The following ATP9B variants were observed in gnomAD, a reference collection of about 807,000 sequenced individuals.
ATP9B encodes the protein probable phospholipid-transporting ATPase IIB.
A neutral mutation model predicts 146.1 loss-of-function variants in ATP9B; 110 were observed. That is an observed-to-expected ratio of 0.75 (90% CI 0.65 to 0.88). The LOEUF (loss-of-function observed/expected upper bound fraction) is 0.88. Among genes scored for constraint, ATP9B ranks in the 40% least tolerant of loss-of-function variants. ATP9B has a pLI of 0.00. For synonymous variants in ATP9B, 604 were observed against 569.7 expected, an observed-to-expected ratio of 1.06 and a Z score of -0.86; for missense variants, 1,499 against 1,496.4, an observed-to-expected ratio of 1.00 and a Z score of -0.03.
rs549431006 is a variant in ATP9B, at chr18:79,122,003, A to G, written c.559-4264A>G. ...TTAACTTTTGCTGTCTTTAAGCCAT[A>G]AGTTTAAAGGGGTGAAAATTAGAGT... On this transcript the variant is annotated intron_variant, in intron 4 of 29. Transcript: ENST00000426216. Among the ~76,000 whole-genome samples the G allele has an allele frequency of 3.3e-5, 5 of 152,258 alleles. No individual in the cohort carries two copies. In the South Asian group the frequency reaches 1.0e-3, roughly 32 times the overall value.
intron 20 of ATP9B, 74 bp downstream of exon 20, chr18:79,342,440 G>A (rs1247505843): frequency 9.9e-6 from 10 of 1,005,950 alleles, no homozygotes; most frequent in Non-Finnish European, 1.5e-5. Flanking sequence ...GTTTTTGTCA[G>A]AATATATATT....
At chr18:79,219,899 A>T (rs913411442) in intron 11 of ATP9B, among the ~76,000 whole-genome samples, 5 of 152,214 alleles carry the variant, frequency 3.3e-5, no homozygotes, top group Admixed American at 3.3e-4. Flanking sequence ...AGGGCTCAAG[A>T]AGACGAGAGC....
At chr18:79,157,396 CAAAAAAAAAAAAAAAA>C (rs147316668) in intron 7 of ATP9B, among the ~76,000 whole-genome samples, 6 of 48,588 alleles carry the variant, frequency 1.2e-4, no homozygotes, top group Middle Eastern at 0.02. Flanking sequence ...AACTCCATCT[CAAAAAAAAAAAAAAAA>C]AAAAAAAAAA....
chr18:79,214,828 T>C (rs1232186420), intron 11 of ATP9B, among the ~76,000 whole-genome samples: 5 of 152,226 alleles, frequency 3.3e-5, no homozygotes, highest in Non-Finnish European at 5.9e-5. Flanking sequence ...GGAAGTCTTA[T>C]TAACGCAGTG....
chr18:79,191,249 A>G (rs1244311689), intron 8 of ATP9B, among the ~76,000 whole-genome samples: 1 of 151,674 alleles, frequency 6.6e-6, no homozygotes, highest in Non-Finnish European at 1.5e-5. Context: ...TTCTTTAGGT[A>G]TTTTTGAGAT....
chr18:79,375,835 G>T, intron 29 of ATP9B: 1 of 985,408 alleles, frequency 1.0e-6, no homozygotes, highest in Non-Finnish European at 1.2e-6. Context: ...TTTTACAAAG[G>T]CCTCTAACTC....
At chr18:79,248,661 A>G (rs2095992973) in intron 11 of ATP9B, among the ~76,000 whole-genome samples, 1 of 152,258 alleles carries the variant, frequency 6.6e-6, no homozygotes, top group African/African-American at 2.4e-5. Flanking sequence ...ATTGGGTGTC[A>G]GAGTCGAGGC....
At chr18:79,125,980 TGTTAATTTCTTTTTCTTTGG>T in intron 4 of ATP9B, among the ~76,000 whole-genome samples, 1 of 152,300 alleles carries the variant, frequency 6.6e-6, no homozygotes, top group Middle Eastern at 3.4e-3. Context: ...TATTGAAGAT[TGTTAATTTCTTTTTCTTTGG>T]GTTACTAGGT....
chr18:79,376,020 G>T (rs1339850989), intron 29 of ATP9B: 7 of 985,216 alleles, frequency 7.1e-6, no homozygotes, highest in Non-Finnish European at 8.4e-6. Flanking sequence ...CTTCTGTGGA[G>T]ATGCTGGGAG....
intron 26 of ATP9B, chr18:79,363,174 T>C: frequency 6.6e-6 from 1 of 152,248 alleles, no homozygotes; most frequent in East Asian, 1.9e-4. Flanking sequence ...TTTTTCAAAA[T>C]CATTTTTGAT....
intron 7 of ATP9B, among the ~76,000 whole-genome samples, chr18:79,168,288 G>T (rs539003165): frequency 2.6e-4 from 39 of 152,194 alleles, no homozygotes; most frequent in African/African-American, 8.9e-4. Context: ...CCTGCGGGGG[G>T]ATAGATTTCC....
In ATP9B at chr18:79,091,197, A is replaced by G. The variant is rs532019298; in HGVS notation, c.120-5279A>G. ...TTGGTTACTATAGCTCTGCAGTATA[A>G]TTTGAAGTTAGGTAATGTGATTCCT... On this transcript the variant is annotated intron_variant, in intron 1 of 29. Transcript: ENST00000426216. Among the ~76,000 whole-genome samples the G allele has an allele frequency of 5.3e-5, 8 of 152,268 alleles. No homozygotes were observed. In the East Asian group the frequency reaches 1.4e-3, roughly 26 times the overall value.
intron 13 of ATP9B, among the ~76,000 whole-genome samples, chr18:79,284,154 A>G (rs895810468): frequency 3.3e-5 from 5 of 152,210 alleles, no homozygotes; most frequent in African/African-American, 1.2e-4. Context: ...GCAGGCAAGC[A>G]TGACGTGTGT....
chr18:79,207,588 G>A (rs2095546309), intron 10 of ATP9B, among the ~76,000 whole-genome samples: 1 of 152,178 alleles, frequency 6.6e-6, no homozygotes, highest in Non-Finnish European at 1.5e-5. Context: ...AGTTTACCAG[G>A]AATGGGTTGG....
chr18:79,129,276 C>G (rs1215710824), intron 5 of ATP9B, among the ~76,000 whole-genome samples: 4 of 152,032 alleles, frequency 2.6e-5, no homozygotes, highest in Admixed American at 2.6e-4. Flanking sequence ...TCAAAAATTC[C>G]CCTGTGTATG....
At chr18:79,110,989 T>G (rs2075971233) in intron 3 of ATP9B, among the ~76,000 whole-genome samples, 1 of 152,206 alleles carries the variant, frequency 6.6e-6, no homozygotes, top group Non-Finnish European at 1.5e-5. Context: ...TAGATGTCTT[T>G]GCTACTTCAC....
intron 19 of ATP9B, among the ~76,000 whole-genome samples, chr18:79,338,610 G>C (rs1480039605): frequency 6.6e-6 from 1 of 152,202 alleles, no homozygotes; most frequent in Non-Finnish European, 1.5e-5. Context: ...CCCAGATGCT[G>C]TGTGGCGGGG....
intron 11 of ATP9B, among the ~76,000 whole-genome samples, chr18:79,244,468 GCTCTTT>G (rs560792614): frequency 6.6e-4 from 101 of 152,128 alleles, no homozygotes; most frequent in African/African-American, 2.2e-3. Flanking sequence ...AGAGTTCAAA[GCTCTTT>G]GAAGGAAAGA....
chr18:79,191,063 C>T (rs895891535), intron 8 of ATP9B, among the ~76,000 whole-genome samples: 1 of 151,944 alleles, frequency 6.6e-6, no homozygotes, highest in African/African-American at 2.4e-5. Context: ...TTTATTTCAC[C>T]TGTATTCTTA....
Sources: allele counts gnomAD v4.1 joint callset (sites outside exome capture counted in the v4.1 genomes callset), GRCh38; gene constraint gnomAD v4.1.1; transcripts MANE v1.5; gene names NCBI Gene and HGNC (gene_info 2026-07-23, HGNC 2026-07-21).